KCND3: variants seen among roughly 807,000 people sequenced by gnomAD.
KCND3 encodes A-type voltage-gated potassium channel KCND3.
KCND3 carries 9 observed loss-of-function variants against 51.1 expected under a neutral mutation model. The ratio of observed to expected loss-of-function variants is 0.18; its 90% CI spans 0.11 to 0.31. The LOEUF is 0.31. KCND3 is among the 10% of genes least tolerant of loss of function. The probability of loss-of-function intolerance (pLI) is 1.00; values close to 1 mark genes in which losing one functional copy is unlikely to be tolerated. For missense variants in KCND3, 526 were observed against 903.8 expected, an observed-to-expected ratio of 0.58 and a Z score of 5.36; for synonymous variants, 349 against 368.0, an observed-to-expected ratio of 0.95 and a Z score of 0.59.
At chr1:111,902,284 C>T (rs1167726953) in intron 2 of KCND3, among the ~76,000 whole-genome samples, 1 of 152,118 alleles carries the variant, frequency 6.6e-6, no homozygotes, top group Non-Finnish European at 1.5e-5. Context: ...AAAGGGGTAA[C>T]GGAGCAGGTG....
intron 7 of KCND3, among the ~76,000 whole-genome samples, chr1:111,776,489 T>G (rs944059502): frequency 2.0e-5 from 3 of 152,232 alleles, no homozygotes; most frequent in African/African-American, 7.2e-5. Context: ...GGCTTTGAAT[T>G]GCAGAATGTA....
chr1:111,873,936 C>T (rs1668940223), intron 2 of KCND3, among the ~76,000 whole-genome samples: 1 of 151,986 alleles, frequency 6.6e-6, no homozygotes, highest in Non-Finnish European at 1.5e-5. Flanking sequence ...AATTCTTGGG[C>T]TACTAATGAA....
intron 6 of KCND3, 26 bp from the exon 7 acceptor site, chr1:111,777,299 T>G (rs1664169829): frequency 6.2e-7 from 1 of 1,612,724 alleles, no homozygotes; most frequent in African/African-American, 1.3e-5. Context: ...GGAGAAGAAG[T>G]AGGAAAAGGA....
chr1:111,964,878 A>AATAG (rs1673882105), intron 2 of KCND3, among the ~76,000 whole-genome samples: 1 of 152,082 alleles, frequency 6.6e-6, no homozygotes, highest in East Asian at 1.9e-4. Context: ...TAACTCTGCC[A>AATAG]ATGAGCCTGT....
chr1:111,806,285 C>A (rs368795110), intron 2 of KCND3, among the ~76,000 whole-genome samples: 1 of 152,232 alleles, frequency 6.6e-6, no homozygotes, highest in Non-Finnish European at 1.5e-5. Flanking sequence ...CCTGTTGATG[C>A]GGAAGCCCTG....
chr1:111,775,832 C>CCCCCCCCCCCCCCT lies in KCND3; in HGVS notation c.*244_*245insAGGGGGGGGGGGGG. 6.6e-6 allele frequency: 1 copy of CCCCCCCCCCCCCCT among 151,322 alleles called. No individual in the cohort carries two copies. The highest frequency in any genetic ancestry group is 6.7e-5 in the Admixed American group (1 of 14,988). 9.4% of individuals were successfully genotyped at this position (151,322 alleles called of 1,614,324 possible). On this transcript the variant is annotated 3_prime_UTR_variant, in exon 8 of 8. Coordinates refer to ENST00000302127, the MANE Select transcript of KCND3 (RefSeq NM_001378969.1). The stretch of plus-strand genomic sequence containing the variant: ...GGCCTATCCCCGACCCCCCCACCCT[C>CCCCCCCCCCCCCCT]CCTCCCTTCCTCTGGCCCCAGTGAG...
chr1:111,785,445 T>C (rs1350249593), intron 3 of KCND3, among the ~76,000 whole-genome samples: 2 of 152,180 alleles, frequency 1.3e-5, no homozygotes, highest in African/African-American at 4.8e-5. Flanking sequence ...AGGAGATAGG[T>C]GTGTATGGGA....
At chr1:111,819,921 T>C (rs1003595250) in intron 2 of KCND3, among the ~76,000 whole-genome samples, 2 of 152,172 alleles carry the variant, frequency 1.3e-5, no homozygotes, top group African/African-American at 4.8e-5. Context: ...AAAGCTTTCC[T>C]TGGGCTTCAG....
chr1:111,842,924 C>T (rs936536787), intron 2 of KCND3, among the ~76,000 whole-genome samples: 5 of 152,126 alleles, frequency 3.3e-5, no homozygotes, highest in African/African-American at 4.8e-5. Context: ...AGAGTATAAA[C>T]GGCATCTTGA....
chr1:111,968,284 C>T (rs951534732), intron 2 of KCND3, among the ~76,000 whole-genome samples: 22 of 151,676 alleles, frequency 1.5e-4, no homozygotes, highest in Admixed American at 2.0e-4. Context: ...GGCAGGGGCA[C>T]GAGTCCTCAG....
intron 2 of KCND3, among the ~76,000 whole-genome samples, chr1:111,836,423 C>T (rs188522327): frequency 1.3e-5 from 2 of 152,344 alleles, no homozygotes; most frequent in East Asian, 3.9e-4. Context: ...ATCTTCTCAA[C>T]TGGCAAGATT....
intron 2 of KCND3, among the ~76,000 whole-genome samples, chr1:111,931,322 C>G (rs1455748148): frequency 1.3e-5 from 2 of 152,136 alleles, no homozygotes; most frequent in African/African-American, 2.4e-5. Context: ...TTCTGAAAAG[C>G]TCAGTAACGT....
rs139821076 is a variant in KCND3, at chr1:111,904,509, C to T, written c.1106+77112G>A. 3.3e-3 allele frequency among the ~76,000 whole-genome samples: 501 copies of T among 152,312 alleles called. 1 individual carries two copies. The highest frequency in any genetic ancestry group is 0.011 in the African/African-American group (472 of 41,578). On this transcript the variant is annotated intron_variant, in intron 2 of 7. Coordinates refer to ENST00000302127, the MANE Select transcript of KCND3 (RefSeq NM_001378969.1). ...TCTCTATGGGCAAAACACAGCCCCA[C>T]GTGAGTGTGCCTAATTGAGGAATGT... is the stretch of plus-strand genomic sequence containing the variant.
At chr1:111,975,666 G>C (rs968308462) in intron 2 of KCND3, among the ~76,000 whole-genome samples, 3 of 152,152 alleles carry the variant, frequency 2.0e-5, no homozygotes, top group Non-Finnish European at 4.4e-5. Flanking sequence ...GCAGAGCAAA[G>C]AAAAAGTCCT....
chr1:111,837,177 G>T (rs1667103466), intron 2 of KCND3, among the ~76,000 whole-genome samples: 1 of 152,100 alleles, frequency 6.6e-6, no homozygotes, highest in South Asian at 2.1e-4. Context: ...CATACTTAGG[G>T]TCTCAGTGAA....
At chr1:111,919,015 C>T (rs9429608) in intron 2 of KCND3, among the ~76,000 whole-genome samples, 14,539 of 151,590 alleles carry the variant, frequency 0.096, 888 homozygotes, top group East Asian at 0.31. Context: ...CATGAGAGGA[C>T]CTGGTGCTGA....
intron 2 of KCND3, among the ~76,000 whole-genome samples, chr1:111,803,596 C>T (rs1665424619): frequency 1.3e-5 from 2 of 152,144 alleles, no homozygotes; most frequent in Non-Finnish European, 1.5e-5. Context: ...CACACCAGGT[C>T]GGAGATGGTG....
chr1:111,849,584 G>C (rs927966201), intron 2 of KCND3, among the ~76,000 whole-genome samples: 1 of 152,206 alleles, frequency 6.6e-6, no homozygotes, highest in Non-Finnish European at 1.5e-5. Flanking sequence ...TTCTAGATGG[G>C]GGAAGCCGAG....
chr1:111,779,500 T>C (rs964870416), intron 5 of KCND3, among the ~76,000 whole-genome samples: 1 of 152,176 alleles, frequency 6.6e-6, no homozygotes. Context: ...GCTTTTCTAC[T>C]CTGACCTCTC....
Sources: gnomAD v4.1 joint callset for allele counts (sites outside exome capture counted in the v4.1 genomes callset) on GRCh38, gnomAD v4.1.1 for gene constraint, MANE v1.5 for transcripts, NCBI Gene and HGNC (gene_info 2026-07-23, HGNC 2026-07-21) for gene names.